Variants in MECOM observed in about 807,000 individuals in gnomAD.
MECOM encodes histone-lysine N-methyltransferase MECOM.
A neutral mutation model predicts 116.3 loss-of-function variants in MECOM; 13 were observed. The ratio of observed to expected loss-of-function variants is 0.11; its 90% CI spans 0.07 to 0.18. The LOEUF (loss-of-function observed/expected upper bound fraction) is 0.18, where lower values mean the gene tolerates loss of function less well. Ranked by LOEUF, MECOM falls within the 10% of genes least tolerant of loss-of-function variation. MECOM has a pLI of 1.00. For missense variants in MECOM, 1,299 were observed against 1,509.0 expected (o/e 0.86, Z 2.31); for synonymous variants, 528 against 535.2 (o/e 0.99, Z 0.19).
chr3:169,534,718 A>G (rs1759117897), intron 1 of MECOM, among the ~76,000 whole-genome samples: 1 of 152,194 alleles, frequency 6.6e-6, no homozygotes, highest in African/African-American at 2.4e-5. Flanking sequence ...CAACTAACAC[A>G]TGCAATCCTC....
At chr3:169,594,570 T>C (rs1766901082) in intron 1 of MECOM, among the ~76,000 whole-genome samples, 1 of 151,778 alleles carries the variant, frequency 6.6e-6, no homozygotes, top group South Asian at 2.1e-4. Flanking sequence ...CCTGAAGGAA[T>C]ACTGGGAGAA....
At chr3:169,352,413 C>A (rs1726476564) in intron 2 of MECOM, among the ~76,000 whole-genome samples, 1 of 151,816 alleles carries the variant, frequency 6.6e-6, no homozygotes, top group African/African-American at 2.4e-5. Flanking sequence ...CAGTAATTAG[C>A]TAACTTTACT....
At chr3:169,121,780 A>AT (rs1054354397) in intron 6 of MECOM, among the ~76,000 whole-genome samples, 2 of 152,152 alleles carry the variant, frequency 1.3e-5, no homozygotes, top group South Asian at 2.1e-4. Flanking sequence ...TTTCAAATGT[A>AT]TTTTTTAATT....
intron 2 of MECOM, among the ~76,000 whole-genome samples, chr3:169,286,317 T>A (rs1481012651): frequency 6.6e-6 from 1 of 152,332 alleles, no homozygotes; most frequent in Middle Eastern, 3.4e-3. Flanking sequence ...CTTCCCCCTC[T>A]GCTACCTGGG....
chr3:169,127,483 T>C (rs1733241810), intron 5 of MECOM, among the ~76,000 whole-genome samples: 1 of 152,186 alleles, frequency 6.6e-6, no homozygotes, highest in Non-Finnish European at 1.5e-5. Context: ...TAAAAAATCA[T>C]CTGAATGTTC....
intron 2 of MECOM, among the ~76,000 whole-genome samples, chr3:169,355,248 T>C (rs1727058506): frequency 6.6e-6 from 1 of 151,978 alleles, no homozygotes; most frequent in African/African-American, 2.4e-5. Context: ...ACAAAAACAC[T>C]GGGCTAGATG....
In MECOM at chr3:169,116,209, T is replaced by G. The variant is rs749632136; in HGVS notation, c.1663A>C (p.Lys555Gln). The G allele has an allele frequency of 3.7e-6, 6 of 1,614,028 alleles. No homozygotes were observed. In the East Asian group the frequency reaches 1.3e-4, roughly 36 times the overall value. Residue 555 changes from lysine (K) to glutamine (Q), a missense_variant, in exon 8 of 17, where the codon AAG (lysine) becomes CAG (glutamine). By Grantham distance (53) the Lys-to-Gln change is moderately conservative (BLOSUM62 1). This residue lies in a region of MECOM where 238 missense variants were observed against 273.1 expected (regional missense o/e 0.87). Transcript: ENST00000651503. Reference protein sequence around the residue: ...LSKHPSVGDNKPVELQPERSS... With the variant: ...LSKHPSVGDNQPVELQPERSS... ...CTCTCGGGCTGGAGCTCCACTGGCT[T>G]ATTGTCCCCTACAGATGGGTGTTTA... is the stretch of plus-strand genomic sequence containing the variant.
chr3:169,528,048 T>C (rs1191091610), intron 1 of MECOM, among the ~76,000 whole-genome samples: 1 of 152,192 alleles, frequency 6.6e-6, no homozygotes, highest in Non-Finnish European at 1.5e-5. Context: ...ATTTGCTGAC[T>C]CCATACCTAC....
At chr3:169,603,311 TA>T (rs1468629233) in intron 1 of MECOM, among the ~76,000 whole-genome samples, 4 of 152,162 alleles carry the variant, frequency 2.6e-5, no homozygotes, top group African/African-American at 9.7e-5. Flanking sequence ...GGTAAGGATA[TA>T]AAAAATATTT....
chr3:169,556,208 C>T (rs1762012705), intron 1 of MECOM, among the ~76,000 whole-genome samples: 1 of 152,162 alleles, frequency 6.6e-6, no homozygotes, highest in Non-Finnish European at 1.5e-5. Context: ...ACAACAAGGA[C>T]ATGTATTTTG....
chr3:169,662,437 G>T (rs1019885084), intron 1 of MECOM, among the ~76,000 whole-genome samples: 7 of 152,144 alleles, frequency 4.6e-5, no homozygotes, highest in African/African-American at 1.2e-4. Context: ...GCCGCCGCTG[G>T]CTGTGTGCCC....
At chr3:169,512,334 T>C (rs1259533409) in intron 1 of MECOM, among the ~76,000 whole-genome samples, 1 of 152,268 alleles carries the variant, frequency 6.6e-6, no homozygotes, top group African/African-American at 2.4e-5. Flanking sequence ...AGATTTTTGA[T>C]TTCTTGCCAC....
At chr3:169,367,546 G>A (rs1258162306) in intron 2 of MECOM, among the ~76,000 whole-genome samples, 1 of 152,046 alleles carries the variant, frequency 6.6e-6, no homozygotes. Flanking sequence ...GCCTGTGTGT[G>A]TCGTAGGGGA....
At chr3:169,295,221 T>G (rs1381050174) in intron 2 of MECOM, among the ~76,000 whole-genome samples, 1 of 152,160 alleles carries the variant, frequency 6.6e-6, no homozygotes, top group Non-Finnish European at 1.5e-5. Context: ...ATATATTGGG[T>G]TTCTGAGTAA....
intron 2 of MECOM, among the ~76,000 whole-genome samples, chr3:169,238,101 G>A (rs1754321441): frequency 6.6e-6 from 1 of 151,322 alleles, no homozygotes; most frequent in Admixed American, 6.6e-5. Flanking sequence ...CTTGAACCCA[G>A]GGGGCAAAGG....
intron 2 of MECOM, among the ~76,000 whole-genome samples, chr3:169,156,868 A>C (rs16853269): frequency 0.071 from 10,834 of 152,286 alleles, 500 homozygotes; most frequent in South Asian, 0.19. Flanking sequence ...TGCCTGAATT[A>C]AACCTTTAAG....
At chr3:169,396,585 T>C (rs918145340) in intron 1 of MECOM, among the ~76,000 whole-genome samples, 1 of 152,242 alleles carries the variant, frequency 6.6e-6, no homozygotes, top group African/African-American at 2.4e-5. Context: ...TGCTTTAATG[T>C]GACTACTAGA....
At chr3:169,406,758 T>A (rs1390652506) in intron 1 of MECOM, among the ~76,000 whole-genome samples, 1 of 152,140 alleles carries the variant, frequency 6.6e-6, no homozygotes, top group East Asian at 1.9e-4. Flanking sequence ...GTGTCTCACT[T>A]CATTAAAACC....
intron 1 of MECOM, chr3:169,566,048 T>C (rs1306706518): frequency 2.5e-6 from 1 of 408,084 alleles, no homozygotes; most frequent in Non-Finnish European, 4.8e-6. Flanking sequence ...CTTCTTCACA[T>C]GGAGGCAGGA....
Sources: gnomAD v4.1 joint callset for allele counts (sites outside exome capture counted in the v4.1 genomes callset) on GRCh38, gnomAD v4.1.1 for gene constraint, gnomAD v4.1.1 regional missense constraint, MANE v1.5 for transcripts, NCBI Gene and HGNC (gene_info 2026-07-23, HGNC 2026-07-21) for gene names.